The following DCC variants were observed in gnomAD, a reference collection of about 807,000 sequenced individuals.
DCC encodes DCC netrin 1 receptor.
DCC carries 58 observed loss-of-function variants against 172.5 expected under a neutral mutation model. The observed-to-expected ratio is 0.34, with a 90% CI of 0.27 to 0.42. The LOEUF (loss-of-function observed/expected upper bound fraction) is 0.42. Among genes scored for constraint, DCC ranks in the 10% least tolerant of loss-of-function variants. DCC has a pLI of 1.00. For synonymous variants in DCC, 709 were observed against 644.5 expected (o/e 1.10, Z -1.52); for missense variants, 1,740 against 1,791.0 (o/e 0.97, Z 0.51).
At chr18:53,100,646 A>G (rs72919449) in intron 7 of DCC, among the ~76,000 whole-genome samples, 23,898 of 151,810 alleles carry the variant, frequency 0.16, 2,370 homozygotes, top group African/African-American at 0.28. Context: ...GAAAGGGAAG[A>G]AAGAAAGGGA....
chr18:52,361,925 G>A (rs1984635725), intron 1 of DCC, among the ~76,000 whole-genome samples: 1 of 152,180 alleles, frequency 6.6e-6, no homozygotes, highest in Non-Finnish European at 1.5e-5. Context: ...TCATTAAACA[G>A]TGTCAAGACC....
intron 2 of DCC, among the ~76,000 whole-genome samples, chr18:52,833,496 C>A (rs2038652549): frequency 6.6e-6 from 1 of 152,068 alleles, no homozygotes; most frequent in Non-Finnish European, 1.5e-5. Flanking sequence ...TTGAGACAGT[C>A]TCATCCTGTC....
At chr18:53,172,017 G>C (rs1461702394) in intron 8 of DCC, among the ~76,000 whole-genome samples, 2 of 152,074 alleles carry the variant, frequency 1.3e-5, no homozygotes, top group Admixed American at 6.6e-5. Flanking sequence ...ATTTAGCCCA[G>C]CAATCCTATT....
intron 13 of DCC, among the ~76,000 whole-genome samples, chr18:53,318,752 G>GGTTTTTTTTTT (rs1555651814): frequency 5.3e-5 from 7 of 132,158 alleles, no homozygotes; most frequent in Non-Finnish European, 3.1e-5. Context: ...TCTTCGTTGG[G>GGTTTTTTTTTT]TTTTTTTTTT....
chr18:52,721,842 T>C (rs951068932), intron 1 of DCC, among the ~76,000 whole-genome samples: 1 of 152,068 alleles, frequency 6.6e-6, no homozygotes, highest in African/African-American at 2.4e-5. Flanking sequence ...CTGGCCAACA[T>C]GGTGAAAACC....
At chr18:53,002,798 G>A (rs1156787605) in intron 5 of DCC, among the ~76,000 whole-genome samples, 1 of 152,148 alleles carries the variant, frequency 6.6e-6, no homozygotes, top group African/African-American at 2.4e-5. Context: ...ACAAATGGGA[G>A]AGGTCGAAAT....
chr18:52,452,899 G>A (rs560579251), intron 1 of DCC, among the ~76,000 whole-genome samples: 58 of 152,330 alleles, frequency 3.8e-4, no homozygotes, highest in African/African-American at 1.4e-3. Flanking sequence ...TCCTGATTGA[G>A]GCTGTCAATT....
chr18:52,523,750 C>G (rs907713437), intron 1 of DCC, among the ~76,000 whole-genome samples: 1 of 152,182 alleles, frequency 6.6e-6, no homozygotes, highest in African/African-American at 2.4e-5. Context: ...AATTTATACA[C>G]TGGTGACAGG....
chr18:53,205,544 A>G (rs565274944), intron 10 of DCC, among the ~76,000 whole-genome samples, 180 bp downstream of exon 10: 2 of 152,302 alleles, frequency 1.3e-5, no homozygotes, highest in South Asian at 4.1e-4. Flanking sequence ...TACACAATTT[A>G]ATTAAATTCT....
intron 5 of DCC, among the ~76,000 whole-genome samples, chr18:52,980,567 C>G (rs2041193991): frequency 6.6e-6 from 1 of 152,026 alleles, no homozygotes; most frequent in Non-Finnish European, 1.5e-5. Flanking sequence ...GTTCAACTAA[C>G]TATGTTAATT....
At chr18:53,320,910 G>A (rs2057403652) in intron 13 of DCC, among the ~76,000 whole-genome samples, 1 of 152,112 alleles carries the variant, frequency 6.6e-6, no homozygotes, top group African/African-American at 2.4e-5. Flanking sequence ...CTTCTTTAGA[G>A]GACAGAAATT....
chr18:53,063,213 C>G lies in DCC; in HGVS notation c.986-92C>G, dbSNP rs942563082. The G allele has an allele frequency of 2.7e-6, 3 of 1,111,746 alleles. No individual in the cohort carries two copies. The African/African-American group carries it at 4.6e-5, about 17-fold the overall frequency. The allele number at this position is 1,111,746 out of a possible 1,614,324, so 68.9% of individuals were successfully genotyped here. On this transcript the variant is annotated intron_variant, in intron 5 of 28. Transcript: ENST00000442544. ...TTTGAATTATAAATATTTTCTATCCCAGAGCAGTGTTTTAAACTCAGTGAA... is the reference window on the plus strand; with the variant it reads ...TTTGAATTATAAATATTTTCTATCCGAGAGCAGTGTTTTAAACTCAGTGAA...
rs568806305 is a variant in DCC, at chr18:52,966,779, T to C, written c.985+41409T>C. ...TATCAGTGGTCATGACTTTCTCTGTTTCAAATCTCTGGGTGTATCCCTTAA... is the reference window on the plus strand; with the variant it reads ...TATCAGTGGTCATGACTTTCTCTGTCTCAAATCTCTGGGTGTATCCCTTAA... On this transcript the variant is annotated intron_variant, in intron 5 of 28. Transcript: ENST00000442544. Among the ~76,000 whole-genome samples, 7 of 152,346 alleles carry C rather than the reference T, an allele frequency of 4.6e-5. No individual in the cohort carries two copies. In the East Asian group the frequency reaches 7.7e-4, roughly 17 times the overall value.
At chr18:53,015,582 ATCTCTT>A (rs2041796590) in intron 5 of DCC, among the ~76,000 whole-genome samples, 1 of 152,120 alleles carries the variant, frequency 6.6e-6, no homozygotes, top group East Asian at 1.9e-4. Context: ...CCATAAGGAA[ATCTCTT>A]TTTTTCTTCA....
intron 13 of DCC, among the ~76,000 whole-genome samples, chr18:53,320,279 A>G (rs906495316): frequency 1.3e-5 from 2 of 152,016 alleles, no homozygotes; most frequent in East Asian, 1.9e-4. Flanking sequence ...CCACCGTGTT[A>G]GCCAGGATGG....
chr18:52,404,642 A>G (rs1986566065), intron 1 of DCC, among the ~76,000 whole-genome samples: 1 of 151,370 alleles, frequency 6.6e-6, no homozygotes, highest in Non-Finnish European at 1.5e-5. Flanking sequence ...TTAAGAATGG[A>G]GTTTTCTTTT....
In DCC at chr18:52,340,430, G is replaced by A. The variant is rs1372329761; in HGVS notation, c.-358G>A. On this transcript the variant is annotated 5_prime_UTR_variant, in exon 1 of 29. Transcript: ENST00000442544. The stretch of plus-strand genomic sequence containing the variant: ...TTCCATCTCCTCTTGGTCCCTCCTG[G>A]ATGTGGTTTATTGATGACTTGCGAG... 1.3e-5 allele frequency: 5 copies of A among 375,722 alleles called. No homozygotes were observed. Among genetic ancestry groups the A allele is most frequent in the Non-Finnish European group, 2.0e-5 (4 of 198,644 alleles). The allele number at this position is 375,722 out of a possible 1,614,324, so 23.3% of individuals were successfully genotyped here. A position where few individuals can be genotyped will look rare whatever the true frequency, so the allele number is the denominator to read the frequency against.
intron 2 of DCC, among the ~76,000 whole-genome samples, chr18:52,844,853 C>T (rs1057081797): frequency 6.6e-5 from 10 of 152,104 alleles, no homozygotes; most frequent in African/African-American, 2.2e-4. Flanking sequence ...TGATTTTGAC[C>T]ATCAAAAGTC....
In DCC at chr18:52,432,661, G is replaced by C. The variant is rs954392809; in HGVS notation, c.91+91783G>C. ...TGGTTCTTTAATTCAAGGAGAATTG[G>C]CTGCGGATAAATACAAGTCAAACTT... On this transcript the variant is annotated intron_variant, in intron 1 of 28. Transcript: ENST00000442544. Among the ~76,000 whole-genome samples the C allele has an allele frequency of 2.6e-5, 4 of 152,102 alleles. No individual in the cohort carries two copies. In the East Asian group the frequency reaches 5.8e-4, roughly 22 times the overall value.
Sources: allele counts gnomAD v4.1 joint callset (sites outside exome capture counted in the v4.1 genomes callset), GRCh38; gene constraint gnomAD v4.1.1; transcripts MANE v1.5; gene names NCBI Gene and HGNC (gene_info 2026-07-23, HGNC 2026-07-21).